The following FDFT1 variants were observed in gnomAD, a reference collection of about 807,000 sequenced individuals.
The protein encoded by FDFT1 is farnesyl-diphosphate farnesyltransferase 1.
Under a neutral mutation model 46.8 loss-of-function variants are expected in FDFT1, and 68 were observed. The observed-to-expected ratio is 1.45, with a 90% CI of 1.19 to 1.78. The LOEUF (loss-of-function observed/expected upper bound fraction) is 1.78, where lower values mean the gene tolerates loss of function less well. FDFT1 is among the 40% of genes most tolerant of loss of function. The probability of loss-of-function intolerance (pLI) is 0.00; values close to 1 mark genes in which losing one functional copy is unlikely to be tolerated. For missense variants in FDFT1, 928 were observed against 524.4 expected (o/e 1.77, Z -7.52); for synonymous variants, 351 against 185.1 (o/e 1.90, Z -7.28).
intron 3 of FDFT1, 64 bp from the exon 4 acceptor site, chr8:11,821,686 T>G: frequency 1.0e-5 from 16 of 1,571,428 alleles, no homozygotes; most frequent in East Asian, 2.3e-5. Flanking sequence ...GTTTGCCTTG[T>G]GATCTTTGGT....
intron 4 of FDFT1, among the ~76,000 whole-genome samples, chr8:11,825,415 C>G (rs933274615): frequency 6.6e-6 from 1 of 151,734 alleles, no homozygotes; most frequent in Non-Finnish European, 1.5e-5. Flanking sequence ...GTGGTGGGTG[C>G]TTTAATTCCA....
intron 7 of FDFT1, among the ~76,000 whole-genome samples, chr8:11,836,152 TAAAAA>T (rs34824501): frequency 2.1e-5 from 3 of 143,652 alleles, no homozygotes; most frequent in African/African-American, 7.7e-5. Flanking sequence ...GACACCATCT[TAAAAA>T]AAAAAAAAAA....
Position 11,803,004 on chromosome 8 carries a change from G to A in FDFT1, c.99+73G>A. 6 of 1,534,182 alleles carry A rather than the reference G, an allele frequency of 3.9e-6. 1 individual carries two copies. Among genetic ancestry groups the A allele is most frequent in the South Asian group, 3.6e-5 (3 of 82,646 alleles). On this transcript the variant is annotated intron_variant, in intron 1 of 7. Coordinates refer to ENST00000220584, the MANE Select transcript of FDFT1 (RefSeq NM_004462.5). ...GGCCGGCCTCAGGGCCTGAGCGGCCGGGCCCGGATCTGGGGCAAGGGGCGC... is the reference window on the plus strand; with the variant it reads ...GGCCGGCCTCAGGGCCTGAGCGGCCAGGCCCGGATCTGGGGCAAGGGGCGC...
Position 11,838,979 on chromosome 8 carries a change from C to A in FDFT1, c.*370C>A, listed in dbSNP as rs1003488040. 3.5e-5 allele frequency: 7 copies of A among 198,442 alleles called. No individual in the cohort carries two copies. Among genetic ancestry groups the A allele is most frequent in the Non-Finnish European group, 5.2e-5 (5 of 96,080 alleles). The allele number at this position is 198,442 out of a possible 1,614,324, so 12.3% of individuals were successfully genotyped here. A position where few individuals can be genotyped will look rare whatever the true frequency, so the allele number is the denominator to read the frequency against. ...TAATTTGAAGCACCATTTGAATGTT[C>A]GTAATAGTAGAAAATGATGTGAATT... On this transcript the variant is annotated 3_prime_UTR_variant, in exon 8 of 8. Transcript: ENST00000220584.
rs115650225 is a variant in FDFT1, at chr8:11,803,567, A to G, written c.99+636A>G. On this transcript the variant is annotated intron_variant, in intron 1 of 7. Transcript: ENST00000220584. ...TTTTTATCTGCCTCATGCCTGTACTATTTGTTTAATGAATGCATAGGAGGT... is the reference window on the plus strand; with the variant it reads ...TTTTTATCTGCCTCATGCCTGTACTGTTTGTTTAATGAATGCATAGGAGGT... 1,919 of 957,824 alleles carry G rather than the reference A, an allele frequency of 2.0e-3. 34 individuals carry two copies. In the African/African-American group the frequency reaches 0.029, roughly 15 times the overall value. The allele number at this position is 957,824 out of a possible 1,614,324, so 59.3% of individuals were successfully genotyped here. A position where few individuals can be genotyped will look rare whatever the true frequency, so the allele number is the denominator to read the frequency against.
intron 5 of FDFT1, among the ~76,000 whole-genome samples, chr8:11,829,947 A>G (rs754231701): frequency 2.6e-5 from 4 of 151,842 alleles, no homozygotes; most frequent in Non-Finnish European, 5.9e-5. Context: ...CCCTAGGTTC[A>G]AGCAATTCTT....
chr8:11,815,644 T>C (rs1808341567), intron 3 of FDFT1, among the ~76,000 whole-genome samples: 1 of 152,376 alleles, frequency 6.6e-6, no homozygotes, highest in African/African-American at 2.4e-5. Flanking sequence ...TTTCTTCATA[T>C]GTCTGTTGGC....
At position 11,838,506 on chromosome 8, in the gene FDFT1, C is replaced by T. The variant is rs747188802; in HGVS notation, c.1151C>T (p.Pro384Leu). The change falls in exon 8 of 8, where the codon CCC (proline) becomes CTC (leucine). Residue 384 changes from proline to leucine, a missense_variant. By Grantham distance (98) the Pro-to-Leu change is moderately conservative (BLOSUM62 -3). Coordinates refer to ENST00000220584, the MANE Select transcript of FDFT1 (RefSeq NM_004462.5). ...CQLISRSHYS[P>L]IYLSFVMLLA... ...CTGATTTCCCGAAGCCACTACTCCC[C>T]CATCTACCTGTCGTTTGTCATGCTT... 2.1e-5 allele frequency: 34 copies of T among 1,608,444 alleles called. No homozygotes were observed. Among genetic ancestry groups the T allele is most frequent in the Non-Finnish European group, 2.7e-5 (32 of 1,176,660 alleles).
chr8:11,813,389 C>T (rs922909434), intron 3 of FDFT1, among the ~76,000 whole-genome samples: 1 of 152,122 alleles, frequency 6.6e-6, no homozygotes, highest in African/African-American at 2.4e-5. Context: ...TATATTTCAT[C>T]GTTAATTTAC....
chr8:11,820,238 C>T (rs572437722), intron 3 of FDFT1, among the ~76,000 whole-genome samples: 4 of 152,232 alleles, frequency 2.6e-5, no homozygotes, highest in African/African-American at 7.2e-5. Context: ...AGGACACCCA[C>T]CTATATGAGG....
intron 3 of FDFT1, among the ~76,000 whole-genome samples, chr8:11,816,432 G>C (rs540812135): frequency 1.3e-5 from 2 of 152,276 alleles, no homozygotes; most frequent in African/African-American, 2.4e-5. Flanking sequence ...GATGGGGATA[G>C]CATTGAATCT....
At chr8:11,805,310 G>C (rs1658411269) in intron 1 of FDFT1, among the ~76,000 whole-genome samples, 1 of 152,124 alleles carries the variant, frequency 6.6e-6, no homozygotes, top group Non-Finnish European at 1.5e-5. Flanking sequence ...TAGAATTTCA[G>C]GGTTTAGTAA....
At position 11,821,878 on chromosome 8, in the gene FDFT1, G is replaced by A; in HGVS notation, c.510G>A (p.Lys170=). ...KHVTSEQEWD[K]YCHYVAGLVG... ...TGACCTCTGAACAGGAGTGGGACAAGGTTAGTCTCATAAAACAGTGTCTGT... is the reference window on the plus strand; with the variant it reads ...TGACCTCTGAACAGGAGTGGGACAAAGTTAGTCTCATAAAACAGTGTCTGT... Residue 170 remains lysine (K), a splice_region_variant and synonymous_variant, in exon 4 of 8, where the codon AAG becomes AAA. Coordinates refer to ENST00000220584, the MANE Select transcript of FDFT1 (RefSeq NM_004462.5). 1 of 1,612,544 alleles carries A rather than the reference G, an allele frequency of 6.2e-7. No homozygotes were observed. The highest frequency in any genetic ancestry group is 1.1e-5 in the South Asian group (1 of 90,986).
chr8:11,838,589 G>C lies in FDFT1; in HGVS notation c.1234G>C (p.Val412Leu), dbSNP rs771629673. The change falls in exon 8 of 8, where the codon GTT (valine) becomes CTT (leucine). Residue 412 changes from valine (V) to leucine (L), a missense_variant. Val to Leu is a conservative substitution (Grantham distance 32). Transcript: ENST00000220584. ...TTLSQVTEDY[V>L]QTGEH The stretch of plus-strand genomic sequence containing the variant: ...TCTCTCCCAGGTAACAGAAGACTAT[G>C]TTCAGACTGGAGAACACTGATCCCA... 6.2e-7 allele frequency: 1 copy of C among 1,613,822 alleles called. No individual in the cohort carries two copies.
chr8:11,808,488 A>G (rs1414007663), intron 1 of FDFT1: 2 of 1,325,934 alleles, frequency 1.5e-6, no homozygotes, highest in East Asian at 3.0e-5. Flanking sequence ...GAGTCTATGG[A>G]GGAAAAACTC....
intron 4 of FDFT1, among the ~76,000 whole-genome samples, chr8:11,822,412 C>G (rs573032173): frequency 6.6e-6 from 1 of 152,020 alleles, no homozygotes; most frequent in East Asian, 1.9e-4. Flanking sequence ...GGTCTTGGGC[C>G]TCTTAATTTT....
At chr8:11,814,331 G>T (rs1278220237) in intron 3 of FDFT1, among the ~76,000 whole-genome samples, 4 of 151,258 alleles carry the variant, frequency 2.6e-5, no homozygotes, top group African/African-American at 9.7e-5. Flanking sequence ...GGGACATGGG[G>T]GTATTGACAG....
At chr8:11,804,124 T>C (rs190324477) in intron 1 of FDFT1, among the ~76,000 whole-genome samples, 4 of 152,346 alleles carry the variant, frequency 2.6e-5, no homozygotes, top group Admixed American at 6.5e-5. Flanking sequence ...AAGACCTTGA[T>C]TTTATAAAAC....
upstream of FDFT1, chr8:11,802,387 G>A (rs1367588654): frequency 2.2e-6 from 1 of 455,900 alleles, no homozygotes; most frequent in Non-Finnish European, 4.4e-6. Flanking sequence ...GACCACCGTT[G>A]GGCTCCTGCG....
Sources: gnomAD v4.1 joint callset for allele counts (sites outside exome capture counted in the v4.1 genomes callset) on GRCh38, gnomAD v4.1.1 for gene constraint, MANE v1.5 for transcripts, NCBI Gene and HGNC (gene_info 2026-07-23, HGNC 2026-07-21) for gene names.